The following FHOD3 variants were observed in gnomAD, a reference collection of about 807,000 sequenced individuals.
FHOD3 encodes formin homology 2 domain containing 3, also known as FH1/FH2 domain-containing protein 3.
In FHOD3, 90 loss-of-function variants were observed where a neutral mutation model predicts 173.0. The ratio of observed to expected loss-of-function variants is 0.52; its 90% CI spans 0.44 to 0.62. FHOD3 has a LOEUF of 0.62. FHOD3 is among the 20% of genes least tolerant of loss of function. The pLI, the probability that FHOD3 is intolerant of heterozygous loss-of-function variation, is 0.00. For synonymous variants in FHOD3, 828 were observed against 823.0 expected (o/e 1.01, Z -0.10); for missense variants, 1,945 against 2,034.7 (o/e 0.96, Z 0.85).
chr18:36,699,747 C>T (rs2039478072), intron 17 of FHOD3, among the ~76,000 whole-genome samples: 1 of 152,208 alleles, frequency 6.6e-6, no homozygotes, highest in Admixed American at 6.5e-5. Flanking sequence ...CGTTGACTTT[C>T]TGGTACCTGA....
chr18:36,643,595 T>C (rs1438759149), intron 10 of FHOD3, among the ~76,000 whole-genome samples: 2 of 152,208 alleles, frequency 1.3e-5, no homozygotes, highest in African/African-American at 4.8e-5. Flanking sequence ...ATTAGTTGAC[T>C]TGCATTCTTT....
intron 5 of FHOD3, among the ~76,000 whole-genome samples, chr18:36,529,230 C>A (rs79031361): frequency 6.6e-6 from 1 of 152,120 alleles, no homozygotes; most frequent in Admixed American, 6.5e-5. Context: ...CGTTCAGGGA[C>A]AGATGGGTGT....
intron 1 of FHOD3, among the ~76,000 whole-genome samples, chr18:36,317,755 C>T (rs999719120): frequency 4.6e-4 from 70 of 152,256 alleles, no homozygotes; most frequent in African/African-American, 1.6e-3. Flanking sequence ...TGAATTTTGG[C>T]TTTTGTTGCC....
At chr18:36,477,822 G>C (rs543028340) in intron 3 of FHOD3, among the ~76,000 whole-genome samples, 1 of 152,242 alleles carries the variant, frequency 6.6e-6, no homozygotes, top group South Asian at 2.1e-4. Flanking sequence ...TCACTTGGCA[G>C]GGTGTGGTTC....
At chr18:36,469,204 GCTATACA>G (rs2053132956) in intron 3 of FHOD3, among the ~76,000 whole-genome samples, 1 of 152,128 alleles carries the variant, frequency 6.6e-6, no homozygotes, top group African/African-American at 2.4e-5. Flanking sequence ...CAGGTATAGA[GCTATACA>G]CAATAAGCAA....
At chr18:36,564,106 G>GTGGGAAGAGCCAGAGTGAGT (rs1187264434) in intron 5 of FHOD3, among the ~76,000 whole-genome samples, 7 of 152,170 alleles carry the variant, frequency 4.6e-5, no homozygotes, top group African/African-American at 1.2e-4. Context: ...TGACACCCCA[G>GTGGGAAGAGCCAGAGTGAGT]GTGAACACAT....
intron 3 of FHOD3, among the ~76,000 whole-genome samples, chr18:36,373,304 A>G (rs998324246): frequency 6.6e-6 from 1 of 152,200 alleles, no homozygotes; most frequent in Non-Finnish European, 1.5e-5. Flanking sequence ...AAGAAGGAAA[A>G]AAAAGGAACT....
intron 8 of FHOD3, among the ~76,000 whole-genome samples, chr18:36,610,308 G>T (rs1336518517): frequency 1.3e-5 from 2 of 152,210 alleles, no homozygotes; most frequent in African/African-American, 4.8e-5. Context: ...ATAAGTTCTA[G>T]AGTTTTCACT....
chr18:36,577,170 T>A lies in FHOD3; in HGVS notation c.606+625T>A, dbSNP rs58775294. 3.9e-5 allele frequency among the ~76,000 whole-genome samples: 6 copies of A among 152,244 alleles called. No homozygotes were observed. In the East Asian group the frequency reaches 5.8e-4, roughly 15 times the overall value. On this transcript the variant is annotated intron_variant, in intron 6 of 28. Coordinates refer to ENST00000590592, the MANE Select transcript of FHOD3 (RefSeq NM_001281740.3). Reference sequence around the variant, plus strand: ...TTCATGTTCGTGTGTACATATATATTTATATGTTGTACATATGTATATGCA... The same window carrying A: ...TTCATGTTCGTGTGTACATATATATATATATGTTGTACATATGTATATGCA...
At chr18:36,325,466 G>A (rs1001217829) in intron 1 of FHOD3, among the ~76,000 whole-genome samples, 1 of 152,196 alleles carries the variant, frequency 6.6e-6, no homozygotes, top group African/African-American at 2.4e-5. Context: ...TTATACAGTG[G>A]CAGGTTTATC....
At chr18:36,472,612 GTC>G (rs1568317315) in intron 3 of FHOD3, among the ~76,000 whole-genome samples, 2 of 152,086 alleles carry the variant, frequency 1.3e-5, no homozygotes, top group African/African-American at 4.8e-5. Flanking sequence ...ATCTACTTCT[GTC>G]TCTGTGCTTT....
intron 8 of FHOD3, among the ~76,000 whole-genome samples, chr18:36,608,768 T>A (rs1438108106): frequency 6.6e-6 from 1 of 152,236 alleles, no homozygotes; most frequent in Non-Finnish European, 1.5e-5. Context: ...CCTTTGAGGC[T>A]GGCTTCTGTC....
At chr18:36,701,742 A>G (rs112350134) in intron 17 of FHOD3, among the ~76,000 whole-genome samples, 2 of 152,332 alleles carry the variant, frequency 1.3e-5, no homozygotes, top group African/African-American at 4.8e-5. Context: ...CAATCCCAGC[A>G]CTTAAGGAGT....
At chr18:36,311,866 C>T (rs982329923) in intron 1 of FHOD3, among the ~76,000 whole-genome samples, 2 of 152,204 alleles carry the variant, frequency 1.3e-5, no homozygotes, top group Admixed American at 6.5e-5. Flanking sequence ...GCAATGCCAG[C>T]CCTTTTCCAC....
At chr18:36,748,569 A>G (rs183918285) in intron 24 of FHOD3, among the ~76,000 whole-genome samples, 50 of 152,168 alleles carry the variant, frequency 3.3e-4, no homozygotes, top group Non-Finnish European at 1.0e-4. Context: ...TTAAGCTATA[A>G]AGTATTTGCT....
intron 8 of FHOD3, among the ~76,000 whole-genome samples, chr18:36,604,866 A>G (rs1444612764): frequency 6.6e-6 from 1 of 152,248 alleles, no homozygotes; most frequent in Non-Finnish European, 1.5e-5. Flanking sequence ...AGAAAGGTAG[A>G]AAATGATGTT....
At chr18:36,415,138 T>G (rs1158215784) in intron 3 of FHOD3, among the ~76,000 whole-genome samples, 2 of 152,156 alleles carry the variant, frequency 1.3e-5, no homozygotes, top group African/African-American at 4.8e-5. Flanking sequence ...CGAGTGCCCA[T>G]TTTTCATGGA....
rs141503009 is a variant in FHOD3, at chr18:36,770,003, T to C, written c.4786+577T>C. Among the ~76,000 whole-genome samples, 1,241 of 152,352 alleles carry C rather than the reference T, an allele frequency of 8.1e-3. 56 individuals are homozygous for C. Among genetic ancestry groups the C allele is most frequent in the Admixed American group, 0.073 (1,112 of 15,308 alleles). On this transcript the variant is annotated intron_variant, in intron 28 of 28. Transcript: ENST00000590592. Reference sequence around the variant, plus strand: ...GAGGATTCAACTAAATCAAAGTGACTGATTTTCCTTTTTGGTCTGAACCTA... The same window carrying C: ...GAGGATTCAACTAAATCAAAGTGACCGATTTTCCTTTTTGGTCTGAACCTA...
intron 3 of FHOD3, among the ~76,000 whole-genome samples, chr18:36,406,092 TTTG>T (rs1319104155): frequency 6.9e-5 from 10 of 144,274 alleles, no homozygotes; most frequent in African/African-American, 2.4e-4. Flanking sequence ...TGTTTTTGTT[TTTG>T]TTTTTTTGTT....
Sources: gnomAD v4.1 joint callset for allele counts (sites outside exome capture counted in the v4.1 genomes callset) on GRCh38, gnomAD v4.1.1 for gene constraint, MANE v1.5 for transcripts, NCBI Gene and HGNC (gene_info 2026-07-23, HGNC 2026-07-21) for gene names.